The following HTR3A variants were observed in gnomAD, a reference collection of about 807,000 sequenced individuals.
HTR3A encodes the protein 5-hydroxytryptamine receptor 3A, also known as 5-hydroxytryptamine (serotonin) receptor 3A, ionotropic.
In HTR3A, 45 loss-of-function variants were observed where a neutral mutation model predicts 54.8. That is an observed-to-expected ratio of 0.82 (90% CI 0.65 to 1.05). The LOEUF is 1.05. Among genes scored for constraint, HTR3A ranks in the 50% least tolerant of loss-of-function variants. HTR3A has a pLI of 0.00. For missense variants in HTR3A, 657 were observed against 614.0 expected, an observed-to-expected ratio of 1.07 and a Z score of -0.74; for synonymous variants, 297 against 256.0, an observed-to-expected ratio of 1.16 and a Z score of -1.53.
In HTR3A at chr11:113,977,789, C is replaced by A; in HGVS notation, c.86C>A (p.Thr29Asn). ...AQGEARRSRN[T>N]TRPALLRLSD... ...TTCCCAGCCAGGAGGAGCCGAAACA[C>A]CACCAGGCCCGCTCTGCTGAGGCTG... Residue 29 changes from threonine (T) to asparagine (N), a missense_variant, in exon 2 of 9, where the codon ACC becomes AAC. Coordinates refer to ENST00000504030, the MANE Select transcript of HTR3A (RefSeq NM_000869.6). 3 of 1,614,132 alleles carry A rather than the reference C, an allele frequency of 1.9e-6. No homozygotes were observed. The highest frequency in any genetic ancestry group is 2.5e-6 in the Non-Finnish European group (3 of 1,180,026).
intron 4 of HTR3A, among the ~76,000 whole-genome samples, chr11:113,982,696 A>C (rs1366744966): frequency 6.6e-6 from 1 of 152,214 alleles, no homozygotes; most frequent in African/African-American, 2.4e-5. Context: ...AAGAGAAGCC[A>C]GAGTCAGGAT....
chr11:113,988,391 T>C (rs1393634101), intron 8 of HTR3A, among the ~76,000 whole-genome samples: 1 of 152,214 alleles, frequency 6.6e-6, no homozygotes, highest in Non-Finnish European at 1.5e-5. Context: ...CTTGGTGGTC[T>C]CATCATTAAA....
At chr11:113,977,187 G>A (rs1248346131) in intron 1 of HTR3A, among the ~76,000 whole-genome samples, 1 of 152,168 alleles carries the variant, frequency 6.6e-6, no homozygotes, top group East Asian at 1.9e-4. Context: ...TCCTCTTGGG[G>A]TGGCTTTTGC....
chr11:113,982,320 CA>C (rs1383237557), intron 4 of HTR3A, among the ~76,000 whole-genome samples: 1 of 121,744 alleles, frequency 8.2e-6, no homozygotes, highest in African/African-American at 2.8e-5. Flanking sequence ...TGTCCAACTC[CA>C]GGGGGTGCCA....
intron 3 of HTR3A, among the ~76,000 whole-genome samples, chr11:113,980,091 G>T (rs1335653049): frequency 6.6e-6 from 1 of 152,200 alleles, no homozygotes; most frequent in Admixed American, 6.5e-5. Flanking sequence ...CTCTGTCCCT[G>T]CCTCGCAGAG....
rs757356905 is a variant in HTR3A at position 113,977,838 on chromosome 11, C to T, written c.135C>T (p.Tyr45=). The T allele has an allele frequency of 6.2e-6, 10 of 1,614,048 alleles. No individual in the cohort carries two copies. Among genetic ancestry groups the T allele is most frequent in the Non-Finnish European group, 8.5e-6 (10 of 1,180,036 alleles). The change falls in exon 2 of 9, where the codon TAC becomes TAT. Residue 45 remains tyrosine (Y), a synonymous_variant. Coordinates refer to ENST00000504030, the MANE Select transcript of HTR3A (RefSeq NM_000869.6). ...TGTCGGATTACCTTTTGACCAACTA[C>T]AGGAAGGGTGTGCGCCCCGTGAGGG... The part of the protein sequence containing the change: ...LRLSDYLLTN[Y]RKGVRPVRDW...
At chr11:113,981,417 A>G (rs1950420866) in intron 4 of HTR3A, 105 bp downstream of exon 4, 2 of 747,938 alleles carry the variant, frequency 2.7e-6, no homozygotes, top group Non-Finnish European at 4.9e-6. Flanking sequence ...ATGTCCCACC[A>G]GGAATTGCAG....
chr11:113,983,363 C>A, intron 5 of HTR3A, 74 bp downstream of exon 5: 1 of 1,528,532 alleles, frequency 6.5e-7, no homozygotes, highest in Non-Finnish European at 9.0e-7. Context: ...AGGAGTGCTC[C>A]CCAGGGCGCC....
At chr11:113,988,012 T>C (rs1256845451) in intron 8 of HTR3A, among the ~76,000 whole-genome samples, 1 of 152,222 alleles carries the variant, frequency 6.6e-6, no homozygotes, top group Non-Finnish European at 1.5e-5. Flanking sequence ...GAAGCAGAGC[T>C]ATAGAGAATT....
rs79452715 is a variant in HTR3A at position 113,981,321 on chromosome 11, C to T, written c.374+9C>T. 1.3e-3 allele frequency: 2,072 copies of T among 1,562,422 alleles called. 20 individuals are homozygous for T. In the African/African-American group the frequency reaches 0.02, roughly 15 times the overall value. ...ATTCTCATCAATGAGTTGTGAGTAC[C>T]GTTATCCATTGTGAGGTGGCTGGGT... On this transcript the variant is annotated intron_variant, in intron 4 of 8. Transcript: ENST00000504030.
In HTR3A at chr11:113,978,148, G is replaced by T. The variant is rs553332197; in HGVS notation, c.219+226G>T. Among the ~76,000 whole-genome samples the T allele has an allele frequency of 3.9e-5, 6 of 152,238 alleles. No individual in the cohort carries two copies. The South Asian group carries it at 6.2e-4, about 16-fold the overall frequency. On this transcript the variant is annotated intron_variant, in intron 2 of 8. Transcript: ENST00000504030. ...TGCTCCCACACCCATACAGTGAGGG[G>T]GTCACTTCCCACATGTGGTTCTTCA...
chr11:113,977,546 T>A (rs1391223246), intron 1 of HTR3A: 4 of 1,550,498 alleles, frequency 2.6e-6, no homozygotes, highest in Non-Finnish European at 8.7e-7. Context: ...TCTGCTTTCC[T>A]GTCAATGAAT....
chr11:113,975,329 C>T lies in HTR3A; in HGVS notation c.4C>T (p.Leu2=), dbSNP rs1950339291. M[L]LWVQQALLAL... ...TCCTATGCTTGGAAAGCTCGCTATGCTGCTGTGGGTCCAGCAGGCGCTGCT... is the reference window on the plus strand; with the variant it reads ...TCCTATGCTTGGAAAGCTCGCTATGTTGCTGTGGGTCCAGCAGGCGCTGCT... The change falls in exon 1 of 9, where the codon CTG becomes TTG. Residue 2 remains leucine (L), a synonymous_variant. Coordinates refer to ENST00000504030, the MANE Select transcript of HTR3A (RefSeq NM_000869.6). 1 of 1,613,552 alleles carries T rather than the reference C, an allele frequency of 6.2e-7. No homozygotes were observed. The highest frequency in any genetic ancestry group is 8.5e-7 in the Non-Finnish European group (1 of 1,180,012).
rs559509768 is a variant in HTR3A, at chr11:113,984,383, AG to A, written c.544+1096del. ...GTAGTCCCAGCAGTTTGGGAGGCCA[AG>A]GCAGGAGGATTGCTTCAGCCCAGGA... is the stretch of plus-strand genomic sequence containing the variant. On this transcript the variant is annotated intron_variant, in intron 5 of 8. Coordinates refer to ENST00000504030, the MANE Select transcript of HTR3A (RefSeq NM_000869.6). Among the ~76,000 whole-genome samples, 41 of 152,264 alleles carry A rather than the reference AG, an allele frequency of 2.7e-4. No homozygotes were observed. The South Asian group carries it at 8.3e-3, about 31-fold the overall frequency.
Position 113,981,170 on chromosome 11 carries a change from G to A in HTR3A, c.265-33G>A, listed in dbSNP as rs556194700. 5.9e-5 allele frequency: 80 copies of A among 1,357,360 alleles called. 1 individual carries two copies. In the South Asian group the frequency reaches 8.6e-4, roughly 15 times the overall value. The allele number at this position is 1,357,360 out of a possible 1,614,324, so 84.1% of individuals were successfully genotyped here. ...GGCGACCCTCACTGGAGATGGAGGG[G>A]GCTGCCTGTGACCATCCCTGCTCCT... On this transcript the variant is annotated intron_variant, in intron 3 of 8. Transcript: ENST00000504030.
chr11:113,985,169 C>A (rs117278032), intron 5 of HTR3A, among the ~76,000 whole-genome samples: 2 of 152,314 alleles, frequency 1.3e-5, no homozygotes, highest in Non-Finnish European at 2.9e-5. Context: ...TTTACATACA[C>A]ACATACACAT....
intron 4 of HTR3A, among the ~76,000 whole-genome samples, chr11:113,982,693 G>A (rs1470663760): frequency 6.6e-6 from 1 of 152,210 alleles, no homozygotes; most frequent in Non-Finnish European, 1.5e-5. Flanking sequence ...GCAAAGAGAA[G>A]CCAGAGTCAG....
chr11:113,976,663 G>A (rs372983582), intron 1 of HTR3A, among the ~76,000 whole-genome samples: 96 of 144,484 alleles, frequency 6.6e-4, no homozygotes, highest in African/African-American at 2.4e-3. Flanking sequence ...AGCTTATCAG[G>A]GAAAAGGGGG....
chr11:113,982,455 T>G (rs1950433260), intron 4 of HTR3A, among the ~76,000 whole-genome samples: 1 of 152,172 alleles, frequency 6.6e-6, no homozygotes, highest in Non-Finnish European at 1.5e-5. Context: ...GAAGTGGCCT[T>G]AGTCTTGACT....
Sources: gnomAD v4.1 joint callset for allele counts (sites outside exome capture counted in the v4.1 genomes callset) on GRCh38, gnomAD v4.1.1 for gene constraint, MANE v1.5 for transcripts, NCBI Gene and HGNC (gene_info 2026-07-23, HGNC 2026-07-21) for gene names.